PTPN3: variants seen among roughly 807,000 people sequenced by gnomAD.
PTPN3 encodes tyrosine-protein phosphatase non-receptor type 3.
PTPN3 carries 96 observed loss-of-function variants against 132.7 expected under a neutral mutation model. The observed-to-expected ratio is 0.72, with a 90% CI of 0.61 to 0.86. PTPN3 has a LOEUF of 0.86. PTPN3 is among the 40% of genes least tolerant of loss of function. PTPN3 has a pLI of 0.00. For synonymous variants in PTPN3, 398 were observed against 429.0 expected (o/e 0.93, Z 0.89); for missense variants, 1,125 against 1,159.6 (o/e 0.97, Z 0.43).
At chr9:109,481,614 C>T (rs1193190905) in intron 1 of PTPN3, among the ~76,000 whole-genome samples, 4 of 152,202 alleles carry the variant, frequency 2.6e-5, no homozygotes, top group African/African-American at 9.6e-5. Context: ...CACTCCTTCT[C>T]CCTCTCACCC....
chr9:109,490,073 C>T, intron 1 of PTPN3, among the ~76,000 whole-genome samples: 1 of 151,962 alleles, frequency 6.6e-6, no homozygotes, highest in Non-Finnish European at 1.5e-5. Flanking sequence ...ATCTCAGTTA[C>T]TTGGGAGGTT....
At chr9:109,532,609 C>T in the PTPN3 span, among the ~76,000 whole-genome samples, 1 of 148,316 alleles carries the variant, frequency 6.7e-6, no homozygotes, top group Non-Finnish European at 1.5e-5. Context: ...CTAAACTAAA[C>T]TCATTTGTTA....
intron 1 of PTPN3, among the ~76,000 whole-genome samples, chr9:109,466,992 T>G (rs987771777): frequency 6.6e-6 from 1 of 151,960 alleles, no homozygotes; most frequent in South Asian, 2.1e-4. Flanking sequence ...CTTCCTTAGA[T>G]AAGGATAGAG....
At chr9:109,395,798 C>CTG (rs1219640213) in intron 19 of PTPN3, among the ~76,000 whole-genome samples, 4 of 147,362 alleles carry the variant, frequency 2.7e-5, no homozygotes, top group East Asian at 2.1e-4. Context: ...GTGTGTCTGT[C>CTG]TGTGTGTGTG....
At chr9:109,469,691 A>T (rs1340212937) in intron 1 of PTPN3, among the ~76,000 whole-genome samples, 2 of 152,218 alleles carry the variant, frequency 1.3e-5, no homozygotes, top group African/African-American at 4.8e-5. Flanking sequence ...TAATTGAAGA[A>T]TATGAGTTCC....
chr9:109,480,122 T>C (rs990567637), intron 1 of PTPN3, among the ~76,000 whole-genome samples: 1 of 152,208 alleles, frequency 6.6e-6, no homozygotes, highest in Admixed American at 6.5e-5. Context: ...TTTGTGCATC[T>C]TTAGAGAAAT....
At chr9:109,538,118 T>C in the PTPN3 span, among the ~76,000 whole-genome samples, 1 of 152,234 alleles carries the variant, frequency 6.6e-6, no homozygotes, top group Non-Finnish European at 1.5e-5. Context: ...ACAGTTTTAG[T>C]ATGCTTCTGA....
the PTPN3 span, among the ~76,000 whole-genome samples, chr9:109,514,949 CGTT>C: frequency 6.6e-6 from 1 of 152,034 alleles, no homozygotes; most frequent in African/African-American, 2.4e-5. Context: ...CTGCAAATAA[CGTT>C]GTTGTTTTAA....
chr9:109,428,717 A>C (rs1245900973), intron 10 of PTPN3, 33 bp from the exon 11 acceptor site: 2 of 1,601,056 alleles, frequency 1.2e-6, no homozygotes, highest in Non-Finnish European at 1.7e-6. Flanking sequence ...CAAACAAAGC[A>C]CATCAGGGAT....
the PTPN3 span, among the ~76,000 whole-genome samples, chr9:109,510,567 AAAAAAAAAAAT>A: frequency 3.7e-4 from 21 of 56,678 alleles, no homozygotes; most frequent in South Asian, 2.8e-3. Flanking sequence ...TTAAAAAAAA[AAAAAAAAAAAT>A]ATATATATAT....
At chr9:109,494,676 T>A (rs1159833588) in intron 1 of PTPN3, among the ~76,000 whole-genome samples, 1 of 152,166 alleles carries the variant, frequency 6.6e-6, no homozygotes, top group East Asian at 1.9e-4. Context: ...CTCTGGTGTC[T>A]CTTGCACCTA....
chr9:109,428,996 A>G lies in PTPN3; in HGVS notation c.765-312T>C, dbSNP rs964354265. On this transcript the variant is annotated intron_variant, in intron 10 of 25. Transcript: ENST00000374541. The stretch of plus-strand genomic sequence containing the variant: ...GCACTGCAGCTCTGCGTGAGCTGGT[A>G]TATACATGGGGAAGACAGCTGAGAG... The G allele has an allele frequency of 4.1e-6, 4 of 985,328 alleles. No individual in the cohort carries two copies. The African/African-American group carries it at 7.0e-5, about 17-fold the overall frequency. 61.0% of individuals were successfully genotyped at this position (985,328 alleles called of 1,614,324 possible).
chr9:109,452,706 A>T (rs1845336203), intron 5 of PTPN3, among the ~76,000 whole-genome samples: 1 of 151,970 alleles, frequency 6.6e-6, no homozygotes, highest in South Asian at 2.1e-4. Flanking sequence ...TGACACATGC[A>T]CCACCACACC....
chr9:109,532,869 A>ATAG, the PTPN3 span: 1 of 1,132,442 alleles, frequency 8.8e-7, no homozygotes, highest in Non-Finnish European at 1.2e-6. Context: ...GAGCGGACTA[A>ATAG]TTCTCAATTA....
chr9:109,511,029 C>G, the PTPN3 span, among the ~76,000 whole-genome samples: 1 of 152,058 alleles, frequency 6.6e-6, no homozygotes, highest in South Asian at 2.1e-4. Flanking sequence ...AAAACTTTAA[C>G]TTTGCTCCCA....
At chr9:109,446,543 G>A (rs76329186) in intron 6 of PTPN3, among the ~76,000 whole-genome samples, 7,253 of 152,198 alleles carry the variant, frequency 0.048, 345 homozygotes, top group East Asian at 0.28. Context: ...AGAGCTCGTG[G>A]GGAGGATAGG....
the PTPN3 span, among the ~76,000 whole-genome samples, chr9:109,536,591 G>T: frequency 6.6e-6 from 1 of 152,216 alleles, no homozygotes; most frequent in South Asian, 2.1e-4. Flanking sequence ...CTGCAAAAAG[G>T]TGCTCAATAA....
At chr9:109,420,372 C>G (rs1021634918) in intron 14 of PTPN3, 52 bp downstream of exon 14, 7 of 1,525,522 alleles carry the variant, frequency 4.6e-6, no homozygotes, top group Non-Finnish European at 6.2e-6. Context: ...GAGCAAATTC[C>G]GCAACAGCCA....
chr9:109,390,746 G>A (rs1253991759), intron 21 of PTPN3, among the ~76,000 whole-genome samples: 1 of 152,016 alleles, frequency 6.6e-6, no homozygotes, highest in Non-Finnish European at 1.5e-5. Flanking sequence ...TATGTACAGA[G>A]GAGGTTTTAT....
Sources: allele counts gnomAD v4.1 joint callset (sites outside exome capture counted in the v4.1 genomes callset), GRCh38; gene constraint gnomAD v4.1.1; transcripts MANE v1.5; gene names NCBI Gene and HGNC (gene_info 2026-07-23, HGNC 2026-07-21).